Variants in ZBTB16 observed in about 807,000 individuals in gnomAD.
ZBTB16 encodes the protein zinc finger and BTB domain containing 16, also known as zinc finger and BTB domain-containing protein 16.
A neutral mutation model predicts 56.8 loss-of-function variants in ZBTB16; 8 were observed. The observed-to-expected ratio is 0.14, with a 90% CI of 0.08 to 0.25. The LOEUF (loss-of-function observed/expected upper bound fraction) is 0.25, where lower values mean the gene tolerates loss of function less well. Ranked by LOEUF, ZBTB16 falls within the 10% of genes least tolerant of loss-of-function variation. The pLI, the probability that ZBTB16 is intolerant of heterozygous loss-of-function variation, is 1.00. For missense variants in ZBTB16, 625 were observed against 903.0 expected, an observed-to-expected ratio of 0.69 and a Z score of 3.95; for synonymous variants, 363 against 368.5, an observed-to-expected ratio of 0.98 and a Z score of 0.17.
intron 4 of ZBTB16, among the ~76,000 whole-genome samples, chr11:114,211,717 G>A (rs935288208): frequency 5.9e-5 from 9 of 152,150 alleles, no homozygotes; most frequent in African/African-American, 2.2e-4. Flanking sequence ...CAGAGTCCCC[G>A]TTTGCGTTCG....
At chr11:114,153,887 C>A (rs1294257203) in intron 2 of ZBTB16, among the ~76,000 whole-genome samples, 2 of 152,188 alleles carry the variant, frequency 1.3e-5, no homozygotes, top group African/African-American at 4.8e-5. Flanking sequence ...CATGACTTGT[C>A]CAAGGTTAAT....
chr11:114,195,910 A>G (rs1943596586), intron 4 of ZBTB16, among the ~76,000 whole-genome samples: 1 of 152,210 alleles, frequency 6.6e-6, no homozygotes, highest in Admixed American at 6.5e-5. Flanking sequence ...GAGGTCTTCC[A>G]GGATCCCTGA....
In ZBTB16 at chr11:114,156,371, G is replaced by A. The variant is rs1441168617; in HGVS notation, c.1303G>A (p.Glu435Lys). The stretch of plus-strand genomic sequence containing the variant: ...CAGTGGGATGAAGACGTACGGGTGC[G>A]AGCTCTGCGGGAAGCGGTTCCTGGA... ...LHSGMKTYGC[E>K]LCGKRFLDSL... Residue 435 changes from glutamate (E) to lysine (K), a missense_variant, in exon 3 of 7, where the codon GAG (glutamate) becomes AAG (lysine). Physicochemically the swap from Glu to Lys is moderately conservative, Grantham distance 56 (BLOSUM62 1). This residue lies in a region of ZBTB16 where 140 missense variants were observed against 214.8 expected (regional missense o/e 0.65). Transcript: ENST00000335953. 3.7e-6 allele frequency: 6 copies of A among 1,614,220 alleles called. No individual in the cohort carries two copies. Among genetic ancestry groups the A allele is most frequent in the South Asian group, 3.3e-5 (3 of 91,082 alleles).
chr11:114,071,777 C>T (rs189362678), intron 2 of ZBTB16, among the ~76,000 whole-genome samples: 2 of 152,150 alleles, frequency 1.3e-5, no homozygotes, highest in African/African-American at 2.4e-5. Context: ...GGTGAAAGCT[C>T]TTACTCTCTG....
chr11:114,242,473 C>A, intron 5 of ZBTB16, 136 bp downstream of exon 5: 1 of 1,287,098 alleles, frequency 7.8e-7, no homozygotes, highest in Non-Finnish European at 1.1e-6. Context: ...CGTGCAGAGG[C>A]TGCCCGTCGT....
intron 3 of ZBTB16, among the ~76,000 whole-genome samples, chr11:114,159,263 G>A (rs1942510971): frequency 6.6e-6 from 1 of 152,200 alleles, no homozygotes; most frequent in African/African-American, 2.4e-5. Context: ...TGCTCCAGAG[G>A]CTTTGGGAGT....
chr11:114,183,680 C>G (rs557885059), intron 3 of ZBTB16, among the ~76,000 whole-genome samples: 12 of 152,324 alleles, frequency 7.9e-5, no homozygotes, highest in African/African-American at 2.9e-4. Flanking sequence ...AATCAGATTC[C>G]TTACAGATCC....
At chr11:114,144,862 A>C (rs907709240) in intron 2 of ZBTB16, among the ~76,000 whole-genome samples, 1 of 152,248 alleles carries the variant, frequency 6.6e-6, no homozygotes, top group African/African-American at 2.4e-5. Flanking sequence ...AAATCTGTTC[A>C]AGGAAGGTGC....
In ZBTB16 at chr11:114,094,324, A is replaced by G. The variant is rs201340891; in HGVS notation, c.1268+29756A>G. ...AGCAAGACTCCGTCTCAAAAAAATA[A>G]AAAATAAAAAACATTAAAAAATTGA... On this transcript the variant is annotated intron_variant, in intron 2 of 6. Coordinates refer to ENST00000335953, the MANE Select transcript of ZBTB16 (RefSeq NM_006006.6). Among the ~76,000 whole-genome samples the G allele has an allele frequency of 6.6e-5, 10 of 152,368 alleles. No homozygotes were observed. The East Asian group carries it at 1.7e-3, about 26-fold the overall frequency.
intron 4 of ZBTB16, among the ~76,000 whole-genome samples, chr11:114,207,103 T>C (rs1285008573): frequency 6.6e-6 from 1 of 152,188 alleles, no homozygotes; most frequent in Admixed American, 6.5e-5. Context: ...TTTTGGTGCT[T>C]GGCCTCATGT....
At chr11:114,227,145 G>A (rs1944342222) in intron 4 of ZBTB16, among the ~76,000 whole-genome samples, 1 of 152,174 alleles carries the variant, frequency 6.6e-6, no homozygotes, top group Non-Finnish European at 1.5e-5. Flanking sequence ...GCAGCAAGGC[G>A]ATACTGCTTT....
At chr11:114,194,380 T>G (rs536709240) in intron 4 of ZBTB16, among the ~76,000 whole-genome samples, 1 of 152,348 alleles carries the variant, frequency 6.6e-6, no homozygotes, top group East Asian at 1.9e-4. Flanking sequence ...CCTGGATTTC[T>G]GTCCTGGTGT....
At chr11:114,235,629 C>CCTT (rs767837990) in intron 4 of ZBTB16, among the ~76,000 whole-genome samples, 2 of 97,858 alleles carry the variant, frequency 2.0e-5, no homozygotes, top group South Asian at 4.1e-4. Flanking sequence ...CCTCTCCCTT[C>CCTT]CTTTCTTTCT....
chr11:114,112,447 G>A (rs1941041422), intron 2 of ZBTB16, among the ~76,000 whole-genome samples: 1 of 152,170 alleles, frequency 6.6e-6, no homozygotes, highest in African/African-American at 2.4e-5. Flanking sequence ...GGGATAGAGA[G>A]GGCACGAAGA....
chr11:114,242,768 G>A (rs772364313), intron 5 of ZBTB16, among the ~76,000 whole-genome samples: 30 of 152,304 alleles, frequency 2.0e-4, no homozygotes, highest in Non-Finnish European at 3.8e-4. Flanking sequence ...ATGCCCCGCC[G>A]CTCTATCCAT....
At chr11:114,111,522 C>T (rs919575799) in intron 2 of ZBTB16, among the ~76,000 whole-genome samples, 6 of 152,258 alleles carry the variant, frequency 3.9e-5, no homozygotes, top group Admixed American at 6.5e-5. Context: ...CATGAAATGA[C>T]GCTAAATAAT....
intron 2 of ZBTB16, among the ~76,000 whole-genome samples, chr11:114,083,695 C>T (rs776618452): frequency 7.2e-5 from 11 of 152,160 alleles, no homozygotes; most frequent in Non-Finnish European, 1.3e-4. Flanking sequence ...TCTGTACCAC[C>T]CAGCTTCCCC....
intron 2 of ZBTB16, among the ~76,000 whole-genome samples, chr11:114,088,917 G>A (rs775090934): frequency 2.0e-5 from 3 of 152,176 alleles, no homozygotes; most frequent in South Asian, 4.2e-4. Flanking sequence ...TGGCCTGGGG[G>A]CCCCCCCACA....
intron 2 of ZBTB16, among the ~76,000 whole-genome samples, chr11:114,069,471 A>T (rs1342991700): frequency 2.0e-5 from 3 of 152,190 alleles, no homozygotes; most frequent in Non-Finnish European, 4.4e-5. Context: ...CCCTTCCCAG[A>T]GGCTTTGTGG....
Sources: allele counts gnomAD v4.1 joint callset (sites outside exome capture counted in the v4.1 genomes callset), GRCh38; gene constraint gnomAD v4.1.1; regional missense constraint gnomAD v4.1.1; transcripts MANE v1.5; gene names NCBI Gene and HGNC (gene_info 2026-07-23, HGNC 2026-07-21).